Variants in C4orf50 observed in about 807,000 individuals in gnomAD.
C4orf50 encodes the protein chromosome 4 open reading frame 50.
In C4orf50, 80 loss-of-function variants were observed where a neutral mutation model predicts 77.2. The ratio of observed to expected loss-of-function variants is 1.04; its 90% confidence interval spans 0.87 to 1.25. C4orf50 has a LOEUF of 1.25. Ranked by LOEUF, C4orf50 falls within the 50% of genes most tolerant of loss-of-function variation. C4orf50 has a pLI of 0.00. For missense variants in C4orf50, 1,257 were observed against 1,152.9 expected, an observed-to-expected ratio of 1.09 and a Z score of -1.31; for synonymous variants, 532 against 465.3, an observed-to-expected ratio of 1.14 and a Z score of -1.84.
In C4orf50 at chr4:6,018,064, A is replaced by G; in HGVS notation, c.287+81T>C. ...CCAGTTTCCCCAGCTGTGTGGTGTG[A>G]TTCAACACACCATGGTGACACACTC... is the stretch of plus-strand genomic sequence containing the variant. On this transcript the variant is annotated intron_variant, in intron 23 of 33. Coordinates refer to ENST00000531445, the Ensembl canonical transcript of C4orf50. This position sits in a 1 kb window ranked among gnomAD's most constrained non-coding sequence, Gnocchi z 5.1. The G allele has an allele frequency of 2.5e-6, 1 of 397,744 alleles. No individual in the cohort carries two copies. The highest frequency in any genetic ancestry group is 4.4e-6 in the Non-Finnish European group (1 of 226,030). The allele number at this position is 397,744 out of a possible 1,614,324, so 24.6% of individuals were successfully genotyped here. A position where few individuals can be genotyped will look rare whatever the true frequency, so the allele number is the denominator to read the frequency against.
downstream of C4orf50, among the ~76,000 whole-genome samples, chr4:5,954,624 G>T (rs1321226999): frequency 6.6e-6 from 1 of 152,126 alleles, no homozygotes; most frequent in Admixed American, 6.5e-5. This position sits in a 1 kb window ranked among gnomAD's most constrained non-coding sequence, Gnocchi z 4.7. Flanking sequence ...GCTCTGGAGT[G>T]TGACGTGCCA....
chr4:5,976,212 G>A (rs993866045), intron 29 of C4orf50, among the ~76,000 whole-genome samples: 27 of 151,954 alleles, frequency 1.8e-4, no homozygotes, highest in African/African-American at 5.1e-4. Flanking sequence ...TTGGGAGGCC[G>A]AGGTGGGCGG....
intron 28 of C4orf50, among the ~76,000 whole-genome samples, chr4:5,982,828 G>C (rs1351692199): frequency 1.3e-5 from 2 of 152,136 alleles, no homozygotes; most frequent in African/African-American, 2.4e-5. Context: ...CCCCCAGCAG[G>C]AGACCTAGAG....
intron 7 of C4orf50, among the ~76,000 whole-genome samples, chr4:5,921,410 T>C (rs1717263857): frequency 6.6e-6 from 1 of 152,134 alleles, no homozygotes; most frequent in South Asian, 2.1e-4. Context: ...TATACACACA[T>C]GCGTGTCTGC....
At chr4:5,968,344 G>A (rs947609070) in intron 31 of C4orf50, among the ~76,000 whole-genome samples, 3 of 152,218 alleles carry the variant, frequency 2.0e-5, no homozygotes, top group African/African-American at 7.2e-5. Flanking sequence ...GGGTCTATGA[G>A]GGTCCCCTCT....
chr4:5,961,093 C>A (rs6830217), intron 33 of C4orf50, among the ~76,000 whole-genome samples: 105,625 of 152,216 alleles, frequency 0.69, 37,845 homozygotes, highest in African/African-American at 0.83. Context: ...GGAAGTGTCA[C>A]AATGCATAGA....
rs189542271 is a variant in C4orf50 at position 6,015,845 on chromosome 4, C to T, written c.287+2300G>A. Reference sequence around the variant, plus strand: ...GCGGCCACACTGCCATCCCTAGACTCAACCCTCTCTGTCTCCCTCTCGCAA... The same window carrying T: ...GCGGCCACACTGCCATCCCTAGACTTAACCCTCTCTGTCTCCCTCTCGCAA... On this transcript the variant is annotated intron_variant, in intron 23 of 33. Coordinates refer to ENST00000531445, the Ensembl canonical transcript of C4orf50. The surrounding 1 kb of genome is among the most constrained non-coding windows in gnomAD (Gnocchi z 4.4). Among the ~76,000 whole-genome samples, 69 of 152,324 alleles carry T rather than the reference C, an allele frequency of 4.5e-4. No individual in the cohort carries two copies. Among genetic ancestry groups the T allele is most frequent in the Non-Finnish European group, 9.6e-4 (65 of 68,034 alleles).
downstream of C4orf50, among the ~76,000 whole-genome samples, chr4:5,953,935 A>G (rs1431180339): frequency 2.0e-5 from 3 of 152,236 alleles, no homozygotes; most frequent in Non-Finnish European, 4.4e-5. Flanking sequence ...CAGCCCAAGG[A>G]AAGAGTACGG....
rs1332471435 is a variant in C4orf50, at chr4:6,008,077, G to C, written c.882C>G (p.Gly294=). 5.0e-6 allele frequency: 2 copies of C among 399,092 alleles called. No individual in the cohort carries two copies. The highest frequency in any genetic ancestry group is 8.8e-6 in the Non-Finnish European group (2 of 226,214). 24.7% of individuals were successfully genotyped at this position (399,092 alleles called of 1,614,324 possible). ...TTTGCTGGGCGAGGTCCTCCACCTG[G>C]CCCTGCAGGCCAATCTCTGACAGCT... The change falls in exon 25 of 34, where the codon GGC becomes GGG. Residue 294 remains glycine (G), a synonymous_variant. Transcript: ENST00000531445. This position sits in a 1 kb window ranked among gnomAD's most constrained non-coding sequence, Gnocchi z 6.0.
intron 25 of C4orf50, among the ~76,000 whole-genome samples, chr4:6,004,134 G>GTGATGGTGATGATGGTGA (rs1722054644): frequency 1.1e-4 from 1 of 9,452 alleles, no homozygotes; most frequent in African/African-American, 3.5e-4. Flanking sequence ...AGTGATGATG[G>GTGATGGTGATGATGGTGA]TGATGGTGAT....
At chr4:5,954,240 C>T (rs980005141), downstream of C4orf50, among the ~76,000 whole-genome samples, 1 of 152,130 alleles carries the variant, frequency 6.6e-6, no homozygotes, top group African/African-American at 2.4e-5. The surrounding 1 kb of genome is among the most constrained non-coding windows in gnomAD (Gnocchi z 4.7). Context: ...TTGTGTGTGT[C>T]AGGCTGGGGG....
At chr4:5,955,411 G>A (rs1718912205), downstream of C4orf50, among the ~76,000 whole-genome samples, 1 of 152,112 alleles carries the variant, frequency 6.6e-6, no homozygotes, top group Non-Finnish European at 1.5e-5. This position sits in a 1 kb window ranked among gnomAD's most constrained non-coding sequence, Gnocchi z 5.1. Context: ...ACGAGGGGTG[G>A]TCACACACCT....
intron 30 of C4orf50, among the ~76,000 whole-genome samples, chr4:5,974,457 G>C (rs78713401): frequency 0.46 from 70,527 of 151,700 alleles, 16,676 homozygotes; most frequent in East Asian, 0.71. Context: ...GCGCCAACTC[G>C]AGGCTCAGAC....
At chr4:5,918,223 C>G (rs978463166) in intron 7 of C4orf50, among the ~76,000 whole-genome samples, 1 of 152,172 alleles carries the variant, frequency 6.6e-6, no homozygotes, top group African/African-American at 2.4e-5. Flanking sequence ...AGTTATCACA[C>G]AGCAGAAAGA....
chr4:5,947,624 G>A (rs981691534), intron 7 of C4orf50, among the ~76,000 whole-genome samples: 12 of 152,024 alleles, frequency 7.9e-5, no homozygotes, highest in Admixed American at 2.0e-4. Flanking sequence ...GGCAGCTCCC[G>A]CACTGCAGCC....
chr4:5,913,952 G>A (rs1454873004), intron 7 of C4orf50, among the ~76,000 whole-genome samples: 1 of 152,138 alleles, frequency 6.6e-6, no homozygotes, highest in Non-Finnish European at 1.5e-5. Flanking sequence ...TATAGACAAT[G>A]ATAGTCATCT....
intron 7 of C4orf50, among the ~76,000 whole-genome samples, chr4:5,910,654 C>T (rs1716762411): frequency 6.6e-6 from 1 of 152,150 alleles, no homozygotes; most frequent in Non-Finnish European, 1.5e-5. Context: ...TCCCCAGTTC[C>T]TCAACCAATA....
chr4:5,973,991 C>T (rs1053189938), intron 30 of C4orf50, 150 bp from the exon 9 acceptor site: 2 of 648,980 alleles, frequency 3.1e-6, no homozygotes, highest in Non-Finnish European at 5.2e-6. Flanking sequence ...CCTGCGAAGC[C>T]TCCCTGCCCC....
chr4:5,959,493 A>C, exon 34 of C4orf50: 1 of 1,614,162 alleles, frequency 6.2e-7, no homozygotes, highest in Non-Finnish European at 8.5e-7. Flanking sequence ...GGGTGCTGGG[A>C]CGTTATCGAC....
Sources: allele counts gnomAD v4.1 joint callset (sites outside exome capture counted in the v4.1 genomes callset), GRCh38; gene constraint gnomAD v4.1.1; non-coding constraint Gnocchi (gnomAD v3.1); transcripts MANE v1.5; gene names NCBI Gene and HGNC (gene_info 2026-07-23, HGNC 2026-07-21).